The following PIK3C2G variants were observed in gnomAD, a reference collection of about 807,000 sequenced individuals.
PIK3C2G encodes the protein phosphatidylinositol-4-phosphate 3-kinase catalytic subunit type 2 gamma.
Under a neutral mutation model 181.1 loss-of-function variants are expected in PIK3C2G, and 168 were observed. The observed-to-expected ratio is 0.93, with a 90% CI of 0.82 to 1.05. The LOEUF (loss-of-function observed/expected upper bound fraction) is 1.05, where lower values mean the gene tolerates loss of function less well. Among genes scored for constraint, PIK3C2G ranks in the 50% least tolerant of loss-of-function variants. The pLI is 0.00. For synonymous variants in PIK3C2G, 573 were observed against 592.2 expected (o/e 0.97, Z 0.47); for missense variants, 1,869 against 1,732.8 (o/e 1.08, Z -1.40).
At chr12:18,417,064 A>G (rs1025945241) in intron 16 of PIK3C2G, among the ~76,000 whole-genome samples, 4 of 152,200 alleles carry the variant, frequency 2.6e-5, no homozygotes, top group African/African-American at 9.6e-5. Context: ...AGTTTCAAGA[A>G]GTAGATCCTA....
At chr12:18,461,401 C>T (rs1947912253) in intron 18 of PIK3C2G, among the ~76,000 whole-genome samples, 1 of 152,136 alleles carries the variant, frequency 6.6e-6, no homozygotes, top group African/African-American at 2.4e-5. Flanking sequence ...AGATGAACTT[C>T]TTTGTAGTTA....
intron 18 of PIK3C2G, among the ~76,000 whole-genome samples, chr12:18,425,522 G>T (rs1288793213): frequency 6.6e-6 from 1 of 150,440 alleles, no homozygotes; most frequent in Non-Finnish European, 1.5e-5. Context: ...CTCCCGAGTA[G>T]CTGGGACTAC....
intron 29 of PIK3C2G, among the ~76,000 whole-genome samples, chr12:18,589,699 G>C (rs956310327): frequency 6.6e-6 from 1 of 152,112 alleles, no homozygotes; most frequent in East Asian, 1.9e-4. Context: ...AGACTTAAAG[G>C]GGAAGAAGAA....
intron 7 of PIK3C2G, among the ~76,000 whole-genome samples, chr12:18,323,268 G>A (rs1352458649): frequency 6.6e-6 from 1 of 152,166 alleles, no homozygotes; most frequent in East Asian, 1.9e-4. Context: ...GGACAGCCTA[G>A]CTTCAGACTT....
At position 18,491,479 on chromosome 12, in the gene PIK3C2G, T is replaced by C. The variant is rs387907449; in HGVS notation, c.2714T>C (p.Leu905Pro). 1 of 1,604,600 alleles carries C rather than the reference T, an allele frequency of 6.2e-7. No individual in the cohort carries two copies. Among genetic ancestry groups the C allele is most frequent in the African/African-American group, 1.3e-5 (1 of 74,884 alleles). The stretch of plus-strand genomic sequence containing the variant: ...GTACTGAAGAAAGAAATTGGCAGAC[T>C]AGAAGAGTTCTTTCAAGATGTAAAT... ...QEVLKKEIGR[L>P]EEFFQDVNTC... is the part of the protein sequence containing the mutation. Residue 905 changes from leucine (L) to proline (P), a missense_variant, in exon 20 of 33, where the codon CTA becomes CCA. By Grantham distance (98) the Leu-to-Pro change is moderately conservative. Transcript: ENST00000538779.
intron 1 of PIK3C2G, among the ~76,000 whole-genome samples, chr12:18,279,643 A>C (rs142164402): frequency 3.3e-5 from 5 of 152,130 alleles, no homozygotes; most frequent in African/African-American, 1.2e-4. Flanking sequence ...ACAAATTCTG[A>C]GTTCCATGAT....
intron 18 of PIK3C2G, among the ~76,000 whole-genome samples, chr12:18,447,222 T>C (rs929640332): frequency 6.6e-6 from 1 of 152,196 alleles, no homozygotes; most frequent in Non-Finnish European, 1.5e-5. Context: ...TTCCACAATA[T>C]GCAGCAATTG....
chr12:18,333,441 C>A (rs940866995), intron 8 of PIK3C2G, among the ~76,000 whole-genome samples: 2 of 152,046 alleles, frequency 1.3e-5, no homozygotes, highest in African/African-American at 4.8e-5. Context: ...TCCTCTAACC[C>A]CCCACCCACC....
intron 16 of PIK3C2G, among the ~76,000 whole-genome samples, chr12:18,410,366 A>G (rs986510329): frequency 1.3e-5 from 2 of 151,998 alleles, no homozygotes; most frequent in Non-Finnish European, 2.9e-5. Flanking sequence ...TTAGCCAGGC[A>G]TGGTGGCACA....
chr12:18,334,025 A>G (rs759515272), intron 8 of PIK3C2G, among the ~76,000 whole-genome samples: 1 of 152,162 alleles, frequency 6.6e-6, no homozygotes, highest in African/African-American at 2.4e-5. Context: ...ATTCTAAAGT[A>G]TTAGCATATG....
At chr12:18,339,655 T>C (rs573230322) in intron 9 of PIK3C2G, among the ~76,000 whole-genome samples, 1 of 152,312 alleles carries the variant, frequency 6.6e-6, no homozygotes, top group Admixed American at 6.5e-5. Flanking sequence ...GAAATAGTCA[T>C]GCTTACTGCT....
rs745977350 is a variant in PIK3C2G, at chr12:18,282,049, A to G, written c.-33A>G. ...GTATTATCAAGGAGATATTTGGAGC[A>G]GAGTCAACCCTCTCAGTTACATAAA... is the stretch of plus-strand genomic sequence containing the variant. On this transcript the variant is annotated 5_prime_UTR_variant, in exon 2 of 33. Coordinates refer to ENST00000538779, the MANE Select transcript of PIK3C2G (RefSeq NM_001288772.2). 1.4e-5 allele frequency: 18 copies of G among 1,257,442 alleles called. No individual in the cohort carries two copies. Among genetic ancestry groups the G allele is most frequent in the Non-Finnish European group, 1.8e-5 (16 of 891,970 alleles). The allele number at this position is 1,257,442 out of a possible 1,614,324, so 77.9% of individuals were successfully genotyped here. A position where few individuals can be genotyped will look rare whatever the true frequency, so the allele number is the denominator to read the frequency against.
intron 18 of PIK3C2G, among the ~76,000 whole-genome samples, chr12:18,472,958 C>T (rs1374666156): frequency 6.6e-6 from 1 of 152,172 alleles, no homozygotes; most frequent in Admixed American, 6.5e-5. Flanking sequence ...CCTCACCTTC[C>T]AAAAGTACTA....
At chr12:18,254,371 T>G (rs1458497936) in intron 1 of PIK3C2G, among the ~76,000 whole-genome samples, 2 of 152,136 alleles carry the variant, frequency 1.3e-5, no homozygotes, top group East Asian at 3.8e-4. Flanking sequence ...ATCTCGAAGA[T>G]GTGAATCTGT....
chr12:18,258,739 T>G (rs1948173822), upstream of PIK3C2G, among the ~76,000 whole-genome samples: 1 of 152,022 alleles, frequency 6.6e-6, no homozygotes, highest in African/African-American at 2.4e-5. Flanking sequence ...CTTAAAATGA[T>G]TGGTTCAAGT....
the PIK3C2G span, among the ~76,000 whole-genome samples, chr12:18,707,918 T>C: frequency 1.3e-5 from 2 of 152,208 alleles, no homozygotes; most frequent in African/African-American, 4.8e-5. Context: ...CATGATGTTA[T>C]GGAACACACG....
chr12:18,302,994 C>A (rs1950238553), intron 5 of PIK3C2G, among the ~76,000 whole-genome samples: 2 of 152,014 alleles, frequency 1.3e-5, no homozygotes, highest in Non-Finnish European at 2.9e-5. Context: ...CAGTGCAAAC[C>A]AGAGCAGGCC....
intron 18 of PIK3C2G, among the ~76,000 whole-genome samples, chr12:18,472,864 T>A (rs1337018723): frequency 4.6e-5 from 7 of 152,080 alleles, no homozygotes; most frequent in African/African-American, 1.7e-4. Flanking sequence ...CACGCCCAGC[T>A]AATTTTTGTA....
rs1591839777 is a variant in PIK3C2G, at chr12:18,290,706, A to G, written c.762-149A>G. On this transcript the variant is annotated intron_variant, in intron 3 of 32. Transcript: ENST00000538779. The stretch of plus-strand genomic sequence containing the variant: ...CTGGACTAGCTAAATGCACTGCATC[A>G]CAAATCAATTACTGATTGCTTTCAT... The G allele has an allele frequency of 3.7e-5, 23 of 623,276 alleles. No individual in the cohort carries two copies. In the East Asian group the frequency reaches 6.4e-4, roughly 17 times the overall value. 38.6% of individuals were successfully genotyped at this position (623,276 alleles called of 1,614,324 possible).
Sources: allele counts gnomAD v4.1 joint callset (sites outside exome capture counted in the v4.1 genomes callset), GRCh38; gene constraint gnomAD v4.1.1; transcripts MANE v1.5; gene names NCBI Gene and HGNC (gene_info 2026-07-23, HGNC 2026-07-21).